Variants in C14orf39 observed in about 807,000 individuals in gnomAD.
The protein encoded by C14orf39 is chromosome 14 open reading frame 39, also known as protein SIX6OS1.
Under a neutral mutation model 85.6 loss-of-function variants are expected in C14orf39, and 66 were observed. The observed-to-expected ratio is 0.77, with a 90% confidence interval of 0.63 to 0.95. The LOEUF (loss-of-function observed/expected upper bound fraction) is 0.95. Among genes scored for constraint, C14orf39 ranks in the 40% least tolerant of loss-of-function variants. The pLI, the probability that C14orf39 is intolerant of heterozygous loss-of-function variation, is 0.00. For synonymous variants in C14orf39, 242 were observed against 214.0 expected, an observed-to-expected ratio of 1.13 and a Z score of -1.14; for missense variants, 735 against 663.9, an observed-to-expected ratio of 1.11 and a Z score of -1.18.
At chr14:60,460,942 C>A (rs1891494262) in intron 13 of C14orf39, among the ~76,000 whole-genome samples, 1 of 151,430 alleles carries the variant, frequency 6.6e-6, no homozygotes, top group Non-Finnish European at 1.5e-5. Flanking sequence ...TATGGCATAT[C>A]CACACAATGG....
Position 60,484,975 on chromosome 14 carries a change from T to G in C14orf39, c.50-38A>C. On this transcript the variant is annotated intron_variant, in intron 2 of 17. Transcript: ENST00000321731. The surrounding 1 kb of genome is among the most constrained non-coding windows in gnomAD (Gnocchi z 4.2). ...ATTATCTTGTGACTTCAATTCATTG[T>G]TAAAATATCAAATGATCATACAAAA... 6.3e-7 allele frequency: 1 copy of G among 1,582,194 alleles called. No homozygotes were observed. Among genetic ancestry groups the G allele is most frequent in the Non-Finnish European group, 8.6e-7 (1 of 1,165,426 alleles).
chr14:60,460,511 A>G (rs1037642407), intron 13 of C14orf39, among the ~76,000 whole-genome samples: 4 of 151,830 alleles, frequency 2.6e-5, no homozygotes, highest in Admixed American at 2.6e-4. Context: ...TAAAACTTCA[A>G]AACAAAAGTC....
Position 60,491,816 on chromosome 14 carries a change from T to TTC in C14orf39, c.-8-6732_-8-6731dup, listed in dbSNP as rs139438459. ...AAATGTAAATATTCTCTCTCTCTTT[T>TTC]TCTCTCTCTCTCTCTCTCTCACACA... On this transcript the variant is annotated intron_variant, in intron 2 of 5. Transcript: ENST00000556799. The surrounding 1 kb of genome is among the most constrained non-coding windows in gnomAD (Gnocchi z 4.5). 8.9e-4 allele frequency among the ~76,000 whole-genome samples: 134 copies of TTC among 150,064 alleles called. 1 individual carries two copies. Among genetic ancestry groups the TTC allele is most frequent in the African/African-American group, 2.3e-3 (95 of 41,040 alleles).
chr14:60,507,158 C>T (rs1344342707), intron 1 of C14orf39, among the ~76,000 whole-genome samples: 2 of 152,152 alleles, frequency 1.3e-5, no homozygotes, highest in African/African-American at 4.8e-5. Context: ...AGCAATTTCG[C>T]GAGCAATAGC....
At chr14:60,514,500 C>A (rs905318173) in intron 1 of C14orf39, among the ~76,000 whole-genome samples, 2 of 152,070 alleles carry the variant, frequency 1.3e-5, no homozygotes, top group African/African-American at 2.4e-5. Flanking sequence ...CCAAAAAAAA[C>A]GACGGCCCCT....
intron 4 of C14orf39, 29 bp from the exon 5 acceptor site, chr14:60,478,418 C>T: frequency 8.3e-7 from 1 of 1,206,018 alleles, no homozygotes. Context: ...TTGTAATTAG[C>T]AACTCAGAAT....
At chr14:60,496,168 C>T in intron 2 of C14orf39, 1 of 467,116 alleles carries the variant, frequency 2.1e-6, no homozygotes, top group South Asian at 1.6e-5. Flanking sequence ...GTATCACACT[C>T]CTCCCCTGAT....
In C14orf39 at chr14:60,444,745, T is replaced by C. The variant is rs577499101; in HGVS notation, c.1504-2614A>G. ...AAAAGAGCAACCCCAAGACACATAA[T>C]TGTCAGATTCACCAAGATTGAAATG... is the stretch of plus-strand genomic sequence containing the variant. On this transcript the variant is annotated intron_variant, in intron 16 of 17. Coordinates refer to ENST00000321731, the MANE Select transcript of C14orf39 (RefSeq NM_174978.3). Among the ~76,000 whole-genome samples, 6 of 152,110 alleles carry C rather than the reference T, an allele frequency of 3.9e-5. No homozygotes were observed. The South Asian group carries it at 8.3e-4, about 21-fold the overall frequency.
chr14:60,459,730 T>C (rs553232699), intron 13 of C14orf39, among the ~76,000 whole-genome samples: 2 of 151,888 alleles, frequency 1.3e-5, no homozygotes, highest in East Asian at 3.9e-4. Flanking sequence ...TACCTGATTT[T>C]CATATGTTTA....
At position 60,485,188 on chromosome 14, in the gene C14orf39, CATG is replaced by C; in HGVS notation, c.-8-105_-8-103del. On this transcript the variant is annotated intron_variant, in intron 1 of 17. Coordinates refer to ENST00000321731, the MANE Select transcript of C14orf39 (RefSeq NM_174978.3). Reference sequence around the variant, plus strand: ...TTCAATATAGCATTCTTCACAGGAACATGTGGGCAGAGCCAGAACTGGAAGACG... The same window carrying C: ...TTCAATATAGCATTCTTCACAGGAACTGGGCAGAGCCAGAACTGGAAGACG... 6 of 961,764 alleles carry C rather than the reference CATG, an allele frequency of 6.2e-6. No homozygotes were observed. The South Asian group carries it at 9.1e-5, about 15-fold the overall frequency. 59.6% of individuals were successfully genotyped at this position (961,764 alleles called of 1,614,324 possible). A position where few individuals can be genotyped will look rare whatever the true frequency, so the allele number is the denominator to read the frequency against.
intron 1 of C14orf39, among the ~76,000 whole-genome samples, chr14:60,504,883 T>C (rs145167608): frequency 8.8e-4 from 134 of 152,346 alleles, no homozygotes; most frequent in African/African-American, 3.1e-3. Context: ...ACAGGTAGCC[T>C]AACATTTTTT....
At chr14:60,488,824 C>A (rs1373170589), upstream of C14orf39, among the ~76,000 whole-genome samples, 1 of 151,810 alleles carries the variant, frequency 6.6e-6, no homozygotes, top group Non-Finnish European at 1.5e-5. Flanking sequence ...TCAGTCTTAT[C>A]CTCCTCCCTT....
At chr14:60,449,406 T>C (rs1410814623) in intron 16 of C14orf39, among the ~76,000 whole-genome samples, 1 of 152,206 alleles carries the variant, frequency 6.6e-6, no homozygotes, top group Non-Finnish European at 1.5e-5. Flanking sequence ...TTTACTCCTA[T>C]TAATTTGTAG....
intron 5 of C14orf39, among the ~76,000 whole-genome samples, chr14:60,477,115 C>A (rs571242409): frequency 3.3e-5 from 5 of 152,152 alleles, no homozygotes; most frequent in Non-Finnish European, 5.9e-5. Flanking sequence ...ATCTAAAATT[C>A]TTTTTTAAAT....
intron 17 of C14orf39, among the ~76,000 whole-genome samples, chr14:60,437,405 C>T (rs1890305497): frequency 6.6e-6 from 1 of 151,892 alleles, no homozygotes; most frequent in Non-Finnish European, 1.5e-5. Context: ...TTCAGCTTAG[C>T]AGGAGCAGTG....
In C14orf39 at chr14:60,506,410, CT is replaced by C. The variant is rs1447736679; in HGVS notation, c.-143-6981del. ...GAAGTCACAGCTTTCGTCTGGCAAA[CT>C]TGGGAGAAGTACACCTTAAAGGTGG... On this transcript the variant is annotated intron_variant, in intron 1 of 5. Coordinates refer to the C14orf39 transcript ENST00000556799. 3.3e-5 allele frequency among the ~76,000 whole-genome samples: 5 copies of C among 152,310 alleles called. No homozygotes were observed. The East Asian group carries it at 9.7e-4, about 29-fold the overall frequency.
At chr14:60,452,785 C>A (rs750270499) in intron 16 of C14orf39, among the ~76,000 whole-genome samples, 16 of 149,146 alleles carry the variant, frequency 1.1e-4, no homozygotes, top group Non-Finnish European at 2.1e-4. Context: ...ATCTACTATG[C>A]ACCCATAAAA....
At chr14:60,500,021 T>C (rs571790344) in intron 1 of C14orf39, among the ~76,000 whole-genome samples, 1 of 152,250 alleles carries the variant, frequency 6.6e-6, no homozygotes, top group South Asian at 2.1e-4. Flanking sequence ...GGACTAGCAC[T>C]CCTTTTTTAT....
chr14:60,514,398 T>G (rs375453087), intron 1 of C14orf39, among the ~76,000 whole-genome samples: 3 of 152,174 alleles, frequency 2.0e-5, no homozygotes, highest in Admixed American at 2.0e-4. Flanking sequence ...ATTAAATATT[T>G]CAACGGACCT....
Sources: gnomAD v4.1 joint callset for allele counts (sites outside exome capture counted in the v4.1 genomes callset) on GRCh38, gnomAD v4.1.1 for gene constraint, Gnocchi (gnomAD v3.1) non-coding constraint, MANE v1.5 for transcripts, NCBI Gene and HGNC (gene_info 2026-07-23, HGNC 2026-07-21) for gene names.